Variants in THAP11 observed in about 807,000 individuals in gnomAD.
THAP11 encodes the protein THAP domain-containing protein 11.
Under a neutral mutation model 24.1 loss-of-function variants are expected in THAP11, and 8 were observed. That is an observed-to-expected ratio of 0.33 (90% CI 0.20 to 0.60). The LOEUF (loss-of-function observed/expected upper bound fraction) is 0.60, where lower values mean the gene tolerates loss of function less well. Among genes scored for constraint, THAP11 ranks in the 20% least tolerant of loss-of-function variants. The probability of loss-of-function intolerance (pLI) is 0.82; values close to 1 mark genes in which losing one functional copy is unlikely to be tolerated. For missense variants in THAP11, 276 were observed against 418.4 expected, an observed-to-expected ratio of 0.66 and a Z score of 2.97; for synonymous variants, 222 against 180.2, an observed-to-expected ratio of 1.23 and a Z score of -1.86.
chr16:67,842,737 C>T lies in THAP11; in HGVS notation c.183C>T (p.Cys61=), dbSNP rs2057770722. The T allele has an allele frequency of 3.7e-6, 6 of 1,608,532 alleles. No homozygotes were observed. Among genetic ancestry groups the T allele is most frequent in the Non-Finnish European group, 5.1e-6 (6 of 1,177,594 alleles). The change falls in exon 1 of 1, where the codon TGC becomes TGT. Residue 61 remains cysteine (C), a synonymous_variant. Coordinates refer to ENST00000303596, the MANE Select transcript of THAP11 (RefSeq NM_020457.3). This position sits in a 1 kb window ranked among gnomAD's most constrained non-coding sequence, Gnocchi z 4.9. ...AGCCCACCACAGGCCACCGTCTCTG[C>T]AGCGTTCACTTCCAGGGCGGCCGCA... ...TFQPTTGHRL[C]SVHFQGGRKT... is the part of the protein sequence containing the mutation.
At position 67,843,581 on chromosome 16, in the gene THAP11, C is replaced by T; in HGVS notation, c.*82C>T. The T allele has an allele frequency of 5.7e-6, 8 of 1,393,828 alleles. No individual in the cohort carries two copies. In the East Asian group the frequency reaches 7.2e-5, roughly 12 times the overall value. 86.3% of individuals were successfully genotyped at this position (1,393,828 alleles called of 1,614,324 possible). On this transcript the variant is annotated 3_prime_UTR_variant, in exon 1 of 1. Coordinates refer to ENST00000303596, the MANE Select transcript of THAP11 (RefSeq NM_020457.3). The surrounding 1 kb of genome is among the most constrained non-coding windows in gnomAD (Gnocchi z 5.7). ...GGCCATTGTTGAACTCCTCTATACT[C>T]CTGGGCACTGGTTGACAGTACTGAG...
Position 67,842,447 on chromosome 16 carries a change from C to A in THAP11, c.-108C>A. 2 of 874,218 alleles carry A rather than the reference C, an allele frequency of 2.3e-6. No homozygotes were observed. Among genetic ancestry groups the A allele is most frequent in the Non-Finnish European group, 3.0e-6 (2 of 666,620 alleles). The allele number at this position is 874,218 out of a possible 1,614,324, so 54.2% of individuals were successfully genotyped here. A position where few individuals can be genotyped will look rare whatever the true frequency, so the allele number is the denominator to read the frequency against. On this transcript the variant is annotated 5_prime_UTR_variant, in exon 1 of 1. Coordinates refer to ENST00000303596, the MANE Select transcript of THAP11 (RefSeq NM_020457.3). The surrounding 1 kb of genome is among the most constrained non-coding windows in gnomAD (Gnocchi z 4.9). Reference sequence around the variant, plus strand: ...CGAGCGGCAGTGGTGGGATACCACCCAAGGCCTCGCGCGGCGCCGCCCGTC... The same window carrying A: ...CGAGCGGCAGTGGTGGGATACCACCAAAGGCCTCGCGCGGCGCCGCCCGTC...
In THAP11 at chr16:67,842,545, C is replaced by G; in HGVS notation, c.-10C>G. 2.7e-6 allele frequency: 4 copies of G among 1,501,806 alleles called. No homozygotes were observed. The highest frequency in any genetic ancestry group is 3.6e-6 in the Non-Finnish European group (4 of 1,121,554). 93.0% of individuals were successfully genotyped at this position (1,501,806 alleles called of 1,614,324 possible). On this transcript the variant is annotated 5_prime_UTR_variant, in exon 1 of 1. Transcript: ENST00000303596. This position sits in a 1 kb window ranked among gnomAD's most constrained non-coding sequence, Gnocchi z 4.9. ...GGCCGGTGGGCCGGGCCGGGCCGCG[C>G]GGCGCAGCCATGCCTGGCTTTACGT... is the stretch of plus-strand genomic sequence containing the variant.
Position 67,842,836 on chromosome 16 carries a change from C to A in THAP11, c.282C>A (p.Pro94=). The change falls in exon 1 of 1, where the codon CCC becomes CCA. Residue 94 remains proline (P), a synonymous_variant. Coordinates refer to ENST00000303596, the MANE Select transcript of THAP11 (RefSeq NM_020457.3). The surrounding 1 kb of genome is among the most constrained non-coding windows in gnomAD (Gnocchi z 4.9). The part of the protein sequence containing the change: ...GVNERKVARR[P]AGAAAARRRQ... ...ATGAGCGCAAAGTAGCGCGCAGACC[C>A]GCTGGGGCCGCGGCCGCCCGCCGCA... 1.9e-6 allele frequency: 3 copies of A among 1,608,650 alleles called. No individual in the cohort carries two copies. The highest frequency in any genetic ancestry group is 2.2e-5 in the East Asian group (1 of 44,764).
At position 67,843,752 on chromosome 16, in the gene THAP11, T is replaced by C. The variant is rs989059182; in HGVS notation, c.*253T>C. ...CTTCCTCCCCAGTTATTGTTGCAGA[T>C]TCTGGTTAAGCAGAGGCTTCAGAAC... On this transcript the variant is annotated 3_prime_UTR_variant, in exon 1 of 1. Transcript: ENST00000303596. The surrounding 1 kb of genome is among the most constrained non-coding windows in gnomAD (Gnocchi z 5.7). 8.3e-6 allele frequency: 4 copies of C among 482,036 alleles called. No homozygotes were observed. Among genetic ancestry groups the C allele is most frequent in the African/African-American group, 4.0e-5 (2 of 50,414 alleles). The allele number at this position is 482,036 out of a possible 1,614,324, so 29.9% of individuals were successfully genotyped here. A position where few individuals can be genotyped will look rare whatever the true frequency, so the allele number is the denominator to read the frequency against.
In THAP11 at chr16:67,843,145, A is replaced by G; in HGVS notation, c.591A>G (p.Ala197=). The G allele has an allele frequency of 6.2e-7, 1 of 1,609,726 alleles. No individual in the cohort carries two copies. Among genetic ancestry groups the G allele is most frequent in the Non-Finnish European group, 8.5e-7 (1 of 1,179,450 alleles). ...ATCTCACAGTGCAAGTGGAGTTTGC[A>G]GCCGCAGAGGGCGCAGCCGCTGCGG... The part of the protein sequence containing the change: ...PIDLTVQVEF[A]AAEGAAAAAA... The change falls in exon 1 of 1, where the codon GCA becomes GCG. Residue 197 remains alanine, a synonymous_variant. Coordinates refer to ENST00000303596, the MANE Select transcript of THAP11 (RefSeq NM_020457.3). The surrounding 1 kb of genome is among the most constrained non-coding windows in gnomAD (Gnocchi z 5.7).
chr16:67,843,354 TC>T lies in THAP11; in HGVS notation c.802del (p.Leu268TrpfsTer3). 2 of 1,613,930 alleles carry T rather than the reference TC, an allele frequency of 1.2e-6. No homozygotes were observed. The highest frequency in any genetic ancestry group is 1.1e-5 in the South Asian group (1 of 91,090). Reference protein sequence around the residue: ...LLRKLNEQRDILALMEVKMKE... With the variant: ...LLRKLNEQRDXLALMEVKMKE... ...CGCAAGCTGAATGAGCAGCGGGACA[TC>T]CTGGCTCTGATGGAAGTGAAGATGA... is the stretch of plus-strand genomic sequence containing the variant. On this transcript the variant is annotated frameshift_variant, in exon 1 of 1. Coordinates refer to ENST00000303596, the MANE Select transcript of THAP11 (RefSeq NM_020457.3). LOFTEE classifies it high-confidence loss of function. This position sits in a 1 kb window ranked among gnomAD's most constrained non-coding sequence, Gnocchi z 5.7.
chr16:67,843,555 A>G lies in THAP11; in HGVS notation c.*56A>G. 1 of 1,551,022 alleles carries G rather than the reference A, an allele frequency of 6.4e-7. No individual in the cohort carries two copies. On this transcript the variant is annotated 3_prime_UTR_variant, in exon 1 of 1. Coordinates refer to ENST00000303596, the MANE Select transcript of THAP11 (RefSeq NM_020457.3). The surrounding 1 kb of genome is among the most constrained non-coding windows in gnomAD (Gnocchi z 5.7). ...AGACCCCATCCAGCCAGGGGACCGC[A>G]GGCCATTGTTGAACTCCTCTATACT...
chr16:67,842,593 C>T lies in THAP11; in HGVS notation c.39C>T (p.Asn13=), dbSNP rs1567374022. 1.3e-6 allele frequency: 2 copies of T among 1,546,804 alleles called. No individual in the cohort carries two copies. The highest frequency in any genetic ancestry group is 8.7e-7 in the Non-Finnish European group (1 of 1,144,222). The change falls in exon 1 of 1, where the codon AAC becomes AAT. Residue 13 remains asparagine (N), a synonymous_variant. Transcript: ENST00000303596. The surrounding 1 kb of genome is among the most constrained non-coding windows in gnomAD (Gnocchi z 4.9). The part of the protein sequence containing the change: ...GFTCCVPGCY[N]NSHRDKALHF... The stretch of plus-strand genomic sequence containing the variant: ...CGTGCTGCGTGCCAGGCTGCTACAA[C>T]AACTCGCACCGGGACAAGGCGCTGC...
At position 67,843,142 on chromosome 16, in the gene THAP11, T is replaced by TGCAGCCGCAGAGGGC. The variant is rs750317616; in HGVS notation, c.597_611dup (p.Glu200_Ala204dup). 8.1e-6 allele frequency: 13 copies of TGCAGCCGCAGAGGGC among 1,609,724 alleles called. No homozygotes were observed. The East Asian group carries it at 1.1e-4, about 14-fold the overall frequency. ...TCGATCTCACAGTGCAAGTGGAGTT[T>TGCAGCCGCAGAGGGC]GCAGCCGCAGAGGGCGCAGCCGCTG... On this transcript the variant is annotated inframe_insertion, in exon 1 of 1. Transcript: ENST00000303596. This position sits in a 1 kb window ranked among gnomAD's most constrained non-coding sequence, Gnocchi z 5.7.
In THAP11 at chr16:67,844,040, A is replaced by G. The variant is rs1390197405; in HGVS notation, c.*541A>G. 1.8e-5 allele frequency: 3 copies of G among 167,264 alleles called. No homozygotes were observed. The highest frequency in any genetic ancestry group is 4.4e-5 in the Non-Finnish European group (3 of 68,300). 10.4% of individuals were successfully genotyped at this position (167,264 alleles called of 1,614,324 possible). A position where few individuals can be genotyped will look rare whatever the true frequency, so the allele number is the denominator to read the frequency against. On this transcript the variant is annotated 3_prime_UTR_variant, in exon 1 of 1. Transcript: ENST00000303596. Reference sequence around the variant, plus strand: ...GGAGGCCATTTACAAGGGGATCTGGATGACCTGCTGATGGAGATCCAGCTT... The same window carrying G: ...GGAGGCCATTTACAAGGGGATCTGGGTGACCTGCTGATGGAGATCCAGCTT...
rs1411181537 is a variant in THAP11, at chr16:67,843,457, G to A, written c.903G>A (p.Arg301=). The change falls in exon 1 of 1, where the codon CGG becomes CGA. Residue 301 remains arginine, a synonymous_variant. Coordinates refer to ENST00000303596, the MANE Select transcript of THAP11 (RefSeq NM_020457.3). The surrounding 1 kb of genome is among the most constrained non-coding windows in gnomAD (Gnocchi z 5.7). ...GCGAAGAACTGCGTGAGAAGGATCG[G>A]CTGCTTGCCATGGCTGTCATCCGCA... The part of the protein sequence containing the change: ...KLREELREKD[R]LLAMAVIRKK... The A allele has an allele frequency of 6.2e-7, 1 of 1,613,464 alleles. No homozygotes were observed. The highest frequency in any genetic ancestry group is 1.3e-5 in the African/African-American group (1 of 74,936).
Position 67,842,610 on chromosome 16 carries a change from A to G in THAP11, c.56A>G (p.Lys19Arg). The G allele has an allele frequency of 6.4e-7, 1 of 1,550,648 alleles. No homozygotes were observed. Among genetic ancestry groups the G allele is most frequent in the Non-Finnish European group, 8.7e-7 (1 of 1,146,664 alleles). Reference sequence around the variant, plus strand: ...TGCTACAACAACTCGCACCGGGACAAGGCGCTGCACTTCTACACGTTTCCA... The same window carrying G: ...TGCTACAACAACTCGCACCGGGACAGGGCGCTGCACTTCTACACGTTTCCA... ...PGCYNNSHRD[K>R]ALHFYTFPKD... The change falls in exon 1 of 1, where the codon AAG becomes AGG. Residue 19 changes from lysine (K) to arginine (R), a missense_variant. Lys to Arg is a conservative substitution (Grantham distance 26). Coordinates refer to ENST00000303596, the MANE Select transcript of THAP11 (RefSeq NM_020457.3). The surrounding 1 kb of genome is among the most constrained non-coding windows in gnomAD (Gnocchi z 4.9).
In THAP11 at chr16:67,843,084, C is replaced by T; in HGVS notation, c.530C>T (p.Pro177Leu). ...GCTCCGGGATCCGTACAGCCGGCGC[C>T]CATCACTCCCACTGGAGAAGACGTG... The part of the protein sequence containing the change: ...SQAPGSVQPA[P>L]ITPTGEDVKP... Residue 177 changes from proline (P) to leucine (L), a missense_variant, in exon 1 of 1, where the codon CCC (proline) becomes CTC (leucine). By Grantham distance (98) the Pro-to-Leu change is moderately conservative. This residue lies in a region of THAP11 where 210 missense variants were observed against 203.4 expected (regional missense o/e 1.03). Transcript: ENST00000303596. This position sits in a 1 kb window ranked among gnomAD's most constrained non-coding sequence, Gnocchi z 5.7. The T allele has an allele frequency of 1.9e-6, 3 of 1,611,322 alleles. No homozygotes were observed. The highest frequency in any genetic ancestry group is 2.5e-6 in the Non-Finnish European group (3 of 1,180,016).
In THAP11 at chr16:67,843,662, C is replaced by CAAT; in HGVS notation, c.*163_*164insAAT. 1 of 693,074 alleles carries CAAT rather than the reference C, an allele frequency of 1.4e-6. No individual in the cohort carries two copies. The highest frequency in any genetic ancestry group is 2.4e-6 in the Non-Finnish European group (1 of 417,596). The allele number at this position is 693,074 out of a possible 1,614,324, so 42.9% of individuals were successfully genotyped here. On this transcript the variant is annotated 3_prime_UTR_variant, in exon 1 of 1. Coordinates refer to ENST00000303596, the MANE Select transcript of THAP11 (RefSeq NM_020457.3). This position sits in a 1 kb window ranked among gnomAD's most constrained non-coding sequence, Gnocchi z 5.7. The stretch of plus-strand genomic sequence containing the variant: ...ACCTGGCATCCTCAATTGTTTCCTC[C>CAAT]TGAAGTGGAAGCTGGGGCCTTAGAC...
chr16:67,843,625 C>T lies in THAP11; in HGVS notation c.*126C>T, dbSNP rs891063344. On this transcript the variant is annotated 3_prime_UTR_variant, in exon 1 of 1. Coordinates refer to ENST00000303596, the MANE Select transcript of THAP11 (RefSeq NM_020457.3). The surrounding 1 kb of genome is among the most constrained non-coding windows in gnomAD (Gnocchi z 5.7). ...TACTGAGGCTTAAGGCAGCTGGACT[C>T]TCTTGCTGGTGACCTGGCATCCTCA... 6 of 968,808 alleles carry T rather than the reference C, an allele frequency of 6.2e-6. No homozygotes were observed. Among genetic ancestry groups the T allele is most frequent in the Admixed American group, 3.1e-5 (1 of 32,704 alleles). 60.0% of individuals were successfully genotyped at this position (968,808 alleles called of 1,614,324 possible).
chr16:67,842,923 G>GCAGCAGCAGCAGCAGCAGCAGCAGCAA lies in THAP11; in HGVS notation c.395_396insACAGCAGCAGCAGCAGCAGCAGCAGCA (p.Gln124_Gln132dup). ...AGCAACAGCAGCAGCAGCAGCAACAGCAGCAGCAGCAGCAGCAGCAGCAGC... is the reference window on the plus strand; with the variant it reads ...AGCAACAGCAGCAGCAGCAGCAACAGCAGCAGCAGCAGCAGCAGCAGCAGCAACAGCAGCAGCAGCAGCAGCAGCAGC... On this transcript the variant is annotated inframe_insertion, in exon 1 of 1. Coordinates refer to ENST00000303596, the MANE Select transcript of THAP11 (RefSeq NM_020457.3). The surrounding 1 kb of genome is among the most constrained non-coding windows in gnomAD (Gnocchi z 4.9). 4.3e-6 allele frequency: 3 copies of GCAGCAGCAGCAGCAGCAGCAGCAGCAA among 705,552 alleles called. No homozygotes were observed. The highest frequency in any genetic ancestry group is 5.3e-6 in the Non-Finnish European group (3 of 563,242). The allele number at this position is 705,552 out of a possible 1,614,324, so 43.7% of individuals were successfully genotyped here. A position where few individuals can be genotyped will look rare whatever the true frequency, so the allele number is the denominator to read the frequency against.
rs758758376 is a variant in THAP11 at position 67,842,902 on chromosome 16, ACAGCAGCAGCAGCAGCAACAGCAGCAG to A, written c.366_392del (p.Gln124_Gln132del). 262 of 1,583,158 alleles carry A rather than the reference ACAGCAGCAGCAGCAGCAACAGCAGCAG, an allele frequency of 1.7e-4. No homozygotes were observed. The highest frequency in any genetic ancestry group is 8.6e-4 in the African/African-American group (60 of 69,888). ...AGCAGCAGCAGCAGCAACAGCAGCA[ACAGCAGCAGCAGCAGCAACAGCAGCAG>A]CAGCAGCAGCAGCAGCAGCAGTCCT... On this transcript the variant is annotated inframe_deletion, in exon 1 of 1. Transcript: ENST00000303596. This position sits in a 1 kb window ranked among gnomAD's most constrained non-coding sequence, Gnocchi z 4.9.
In THAP11 at chr16:67,843,090, C is replaced by T. The variant is rs1239022325; in HGVS notation, c.536C>T (p.Thr179Ile). The T allele has an allele frequency of 5.0e-6, 8 of 1,611,166 alleles. No individual in the cohort carries two copies. Among genetic ancestry groups the T allele is most frequent in the African/African-American group, 1.3e-5 (1 of 74,922 alleles). ...GGATCCGTACAGCCGGCGCCCATCA[C>T]TCCCACTGGAGAAGACGTGAAGCCC... ...APGSVQPAPITPTGEDVKPID... is the reference protein window; with the variant it reads ...APGSVQPAPIIPTGEDVKPID... The change falls in exon 1 of 1, where the codon ACT becomes ATT. Residue 179 changes from threonine to isoleucine, a missense_variant. By Grantham distance (89) the Thr-to-Ile change is moderately conservative. Around this residue, in one of 3 missense-constraint regions of THAP11, gnomAD observed 210 missense variants for 203.4 expected, o/e 1.03. Transcript: ENST00000303596. The surrounding 1 kb of genome is among the most constrained non-coding windows in gnomAD (Gnocchi z 5.7).
Sources: gnomAD v4.1 joint callset for allele counts on GRCh38, gnomAD v4.1.1 for gene constraint, gnomAD v4.1.1 regional missense constraint, Gnocchi (gnomAD v3.1) non-coding constraint, MANE v1.5 for transcripts, NCBI Gene and HGNC (gene_info 2026-07-23, HGNC 2026-07-21) for gene names.